Variants in ZNF268 observed in about 807,000 individuals in gnomAD.
ZNF268 encodes zinc finger protein 3.
Under a neutral mutation model 29.3 loss-of-function variants are expected in ZNF268, and 20 were observed. The observed-to-expected ratio is 0.68, with a 90% confidence interval of 0.48 to 0.99. The LOEUF (loss-of-function observed/expected upper bound fraction) is 0.99. ZNF268 is among the 50% of genes least tolerant of loss of function. The pLI is 0.00. For missense variants in ZNF268, 1,240 were observed against 1,121.6 expected, an observed-to-expected ratio of 1.11 and a Z score of -1.51; for synonymous variants, 429 against 376.9, an observed-to-expected ratio of 1.14 and a Z score of -1.60.
In ZNF268 at chr12:133,210,900, GCA is replaced by G. The variant is rs1248898875; in HGVS notation, c.*6373_*6374del. 2 of 456,006 alleles carry G rather than the reference GCA, an allele frequency of 4.4e-6. No individual in the cohort carries two copies. Among genetic ancestry groups the G allele is most frequent in the South Asian group, 1.5e-5 (1 of 64,560 alleles). 28.2% of individuals were successfully genotyped at this position (456,006 alleles called of 1,614,324 possible). ...CTTGCACCCCTTCCTTACTACCTAG[GCA>G]CAGTGTTGGATGGTCAGTGCTTCCT... On this transcript the variant is annotated 3_prime_UTR_variant, in exon 6 of 6. Transcript: ENST00000536435.
At position 133,209,709 on chromosome 12, in the gene ZNF268, C is replaced by G. The variant is rs1360233508; in HGVS notation, c.*5179C>G. 1 of 152,098 alleles carries G rather than the reference C, an allele frequency of 6.6e-6. No homozygotes were observed. The highest frequency in any genetic ancestry group is 1.5e-5 in the Non-Finnish European group (1 of 68,014). 9.4% of individuals were successfully genotyped at this position (152,098 alleles called of 1,614,324 possible). ...GCTGTGGTGGCATGCATCTATAATC[C>G]AAGCTACTCAGGAGAATTGCTTGAA... On this transcript the variant is annotated 3_prime_UTR_variant, in exon 6 of 6. Coordinates refer to ENST00000536435, the MANE Select transcript of ZNF268 (RefSeq NM_003415.3).
At position 133,209,891 on chromosome 12, in the gene ZNF268, G is replaced by T. The variant is rs1276183667; in HGVS notation, c.*5361G>T. The stretch of plus-strand genomic sequence containing the variant: ...GATCCAGGGTGATCCCACAGGTGCT[G>T]TTCATCCCCAACTTTGACCTGGACT... On this transcript the variant is annotated 3_prime_UTR_variant, in exon 6 of 6. Transcript: ENST00000536435. 6.6e-6 allele frequency: 1 copy of T among 152,236 alleles called. No individual in the cohort carries two copies. Among genetic ancestry groups the T allele is most frequent in the Non-Finnish European group, 1.5e-5 (1 of 68,070 alleles). 9.4% of individuals were successfully genotyped at this position (152,236 alleles called of 1,614,324 possible).
intron 5 of ZNF268, among the ~76,000 whole-genome samples, chr12:133,194,777 G>T (rs1211832443): frequency 2.0e-5 from 3 of 152,222 alleles, no homozygotes; most frequent in African/African-American, 7.2e-5. Context: ...GTTACTGCCA[G>T]CCAGGAACAG....
At chr12:133,195,816 C>G (rs915465093) in intron 5 of ZNF268, among the ~76,000 whole-genome samples, 8 of 151,730 alleles carry the variant, frequency 5.3e-5, no homozygotes, top group African/African-American at 1.9e-4. Flanking sequence ...CTCCCAGGTT[C>G]AAGCGATTCT....
Position 133,203,371 on chromosome 12 carries a change from G to T in ZNF268, c.1685G>T (p.Gly562Val). Residue 562 changes from glycine to valine, a missense_variant, in exon 6 of 6, where the codon GGG (glycine) becomes GTG (valine). Transcript: ENST00000536435. ...GENPYECHEC[G>V]KAFSRKYQLI... Reference sequence around the variant, plus strand: ...AACCCCTATGAATGCCATGAATGTGGGAAAGCCTTCAGTCGGAAATACCAG... The same window carrying T: ...AACCCCTATGAATGCCATGAATGTGTGAAAGCCTTCAGTCGGAAATACCAG... The T allele has an allele frequency of 6.5e-7, 1 of 1,548,904 alleles. No homozygotes were observed. The highest frequency in any genetic ancestry group is 8.7e-7 in the Non-Finnish European group (1 of 1,151,438).
intron 3 of ZNF268, among the ~76,000 whole-genome samples, chr12:133,188,699 C>CA (rs35943579): frequency 0.22 from 34,070 of 152,066 alleles, 4,604 homozygotes; most frequent in Non-Finnish European, 0.3. Flanking sequence ...TGCAGAATAT[C>CA]AGAGTTCACC....
rs1957015895 is a variant in ZNF268, at chr12:133,213,517, C to CT, written c.*8988dup. Reference sequence around the variant, plus strand: ...TGGTTAACTTGGTGAAACCACGTCTCTACTAAAAATAAAAAAAAAGAGAAA... The same window carrying CT: ...TGGTTAACTTGGTGAAACCACGTCTCTTACTAAAAATAAAAAAAAAGAGAAA... On this transcript the variant is annotated 3_prime_UTR_variant, in exon 6 of 6. Transcript: ENST00000536435. The CT allele has an allele frequency of 6.9e-6, 1 of 144,132 alleles. No individual in the cohort carries two copies. Among genetic ancestry groups the CT allele is most frequent in the South Asian group, 2.2e-4 (1 of 4,478 alleles). The allele number at this position is 144,132 out of a possible 1,614,324, so 8.9% of individuals were successfully genotyped here. A position where few individuals can be genotyped will look rare whatever the true frequency, so the allele number is the denominator to read the frequency against.
At position 133,205,103 on chromosome 12, in the gene ZNF268, A is replaced by G. The variant is rs1956867273; in HGVS notation, c.*573A>G. On this transcript the variant is annotated 3_prime_UTR_variant, in exon 6 of 6. Coordinates refer to ENST00000536435, the MANE Select transcript of ZNF268 (RefSeq NM_003415.3). ...AACATCTTATGAATGTACCAAATAA[A>G]CCACAGCTGGACTGTTAACCTCACC... is the stretch of plus-strand genomic sequence containing the variant. 6.9e-6 allele frequency: 1 copy of G among 145,254 alleles called. No homozygotes were observed. The highest frequency in any genetic ancestry group is 1.5e-5 in the Non-Finnish European group (1 of 66,036). The allele number at this position is 145,254 out of a possible 1,614,324, so 9.0% of individuals were successfully genotyped here.
Position 133,212,713 on chromosome 12 carries a change from C to T in ZNF268, c.*8183C>T. 6.6e-6 allele frequency: 1 copy of T among 151,876 alleles called. No homozygotes were observed. The highest frequency in any genetic ancestry group is 1.5e-5 in the Non-Finnish European group (1 of 67,994). The allele number at this position is 151,876 out of a possible 1,614,324, so 9.4% of individuals were successfully genotyped here. On this transcript the variant is annotated 3_prime_UTR_variant, in exon 6 of 6. Coordinates refer to ENST00000536435, the MANE Select transcript of ZNF268 (RefSeq NM_003415.3). ...GCTTCCAATTTCTCCACATACTTGCCAATATTAATTAGTTTGTTTCTCTCT... is the reference window on the plus strand; with the variant it reads ...GCTTCCAATTTCTCCACATACTTGCTAATATTAATTAGTTTGTTTCTCTCT...
At chr12:133,195,995 C>T (rs536666629) in intron 5 of ZNF268, among the ~76,000 whole-genome samples, 5 of 147,620 alleles carry the variant, frequency 3.4e-5, no homozygotes, top group Non-Finnish European at 7.5e-5. Context: ...CAGGCATGAA[C>T]CACTATGCCC....
chr12:133,211,277 C>T lies in ZNF268; in HGVS notation c.*6747C>T. 2.8e-6 allele frequency: 1 copy of T among 351,660 alleles called. No homozygotes were observed. Among genetic ancestry groups the T allele is most frequent in the Non-Finnish European group, 5.6e-6 (1 of 179,912 alleles). 21.8% of individuals were successfully genotyped at this position (351,660 alleles called of 1,614,324 possible). ...AAATGGGGACAGATCCAAATACATACTTTCCAAAGATATACAGATGGTGGC... is the reference window on the plus strand; with the variant it reads ...AAATGGGGACAGATCCAAATACATATTTTCCAAAGATATACAGATGGTGGC... On this transcript the variant is annotated 3_prime_UTR_variant, in exon 6 of 6. Transcript: ENST00000536435.
At chr12:133,181,754 C>G in intron 1 of ZNF268, 68 bp downstream of exon 1, 1 of 558,414 alleles carries the variant, frequency 1.8e-6, no homozygotes, top group Non-Finnish European at 3.2e-6. Flanking sequence ...CTCTCTCCTG[C>G]TGCTGACCCG....
Position 133,206,739 on chromosome 12 carries a change from A to G in ZNF268, c.*2209A>G, listed in dbSNP as rs1956905253. On this transcript the variant is annotated 3_prime_UTR_variant, in exon 6 of 6. Coordinates refer to ENST00000536435, the MANE Select transcript of ZNF268 (RefSeq NM_003415.3). ...TAACTGTTGTATTCTGCTTATACAG[A>G]ATCCAATCTCAAGATACTTGGGGTG... The G allele has an allele frequency of 6.6e-6, 1 of 152,236 alleles. No individual in the cohort carries two copies. The highest frequency in any genetic ancestry group is 2.4e-5 in the African/African-American group (1 of 41,456). 9.4% of individuals were successfully genotyped at this position (152,236 alleles called of 1,614,324 possible).
Position 133,203,852 on chromosome 12 carries a change from A to G in ZNF268, c.2166A>G (p.Lys722=). 1 of 1,566,848 alleles carries G rather than the reference A, an allele frequency of 6.4e-7. No individual in the cohort carries two copies. Among genetic ancestry groups the G allele is most frequent in the African/African-American group, 1.4e-5 (1 of 73,824 alleles). The stretch of plus-strand genomic sequence containing the variant: ...ATATGAGAACTCATACAGGAGAGAA[A>G]CCACATGAGTGCAGGGAATGCGGGA... ...IIHMRTHTGE[K]PHECRECGKS... Residue 722 remains lysine, a synonymous_variant, in exon 6 of 6, where the codon AAA becomes AAG. Coordinates refer to ENST00000536435, the MANE Select transcript of ZNF268 (RefSeq NM_003415.3).
In ZNF268 at chr12:133,210,715, C is replaced by A; in HGVS notation, c.*6185C>A. ...TGGATTCCCCCCTGCCAAGGGTCCC[C>A]AGGTCAGTCCTGAGGAGAAGGCAGC... is the stretch of plus-strand genomic sequence containing the variant. On this transcript the variant is annotated 3_prime_UTR_variant, in exon 6 of 6. Coordinates refer to ENST00000536435, the MANE Select transcript of ZNF268 (RefSeq NM_003415.3). The A allele has an allele frequency of 2.5e-6, 1 of 401,732 alleles. No homozygotes were observed. The highest frequency in any genetic ancestry group is 1.7e-5 in the South Asian group (1 of 57,482). 24.9% of individuals were successfully genotyped at this position (401,732 alleles called of 1,614,324 possible). A position where few individuals can be genotyped will look rare whatever the true frequency, so the allele number is the denominator to read the frequency against.
chr12:133,185,231 G>A (rs1373434018), intron 2 of ZNF268, among the ~76,000 whole-genome samples: 1 of 151,606 alleles, frequency 6.6e-6, no homozygotes, highest in African/African-American at 2.4e-5. Context: ...CTTTAGCTTG[G>A]GTGCTCAGGG....
chr12:133,194,389 G>A (rs7953302), intron 5 of ZNF268, among the ~76,000 whole-genome samples: 80,734 of 151,950 alleles, frequency 0.53, 22,191 homozygotes, highest in Non-Finnish European at 0.61. Flanking sequence ...TCACTCAATC[G>A]CCAAGGGCCC....
At position 133,187,824 on chromosome 12, in the gene ZNF268, C is replaced by G. The variant is rs754425991; in HGVS notation, c.34-48C>G. 5.3e-6 allele frequency: 8 copies of G among 1,523,714 alleles called. No individual in the cohort carries two copies. The East Asian group carries it at 1.7e-4, about 33-fold the overall frequency. 94.4% of individuals were successfully genotyped at this position (1,523,714 alleles called of 1,614,324 possible). On this transcript the variant is annotated intron_variant, in intron 2 of 5. Transcript: ENST00000536435. ...TGATGTGACCCCTATTTCCTTTTCC[C>G]CAAAGGAAATAATGCTCGCTAAAGT...
intron 5 of ZNF268, among the ~76,000 whole-genome samples, chr12:133,201,798 C>T (rs1261827828): frequency 6.6e-6 from 1 of 152,032 alleles, no homozygotes; most frequent in African/African-American, 2.4e-5. Flanking sequence ...TCCCTAATGA[C>T]ATGTTTATAT....
Sources: gnomAD v4.1 joint callset for allele counts (sites outside exome capture counted in the v4.1 genomes callset) on GRCh38, gnomAD v4.1.1 for gene constraint, MANE v1.5 for transcripts, NCBI Gene and HGNC (gene_info 2026-07-23, HGNC 2026-07-21) for gene names.